ATM: variants seen among roughly 807,000 people sequenced by gnomAD.
ATM encodes the protein ATM serine/threonine kinase.
A neutral mutation model predicts 387.0 loss-of-function variants in ATM; 308 were observed. The observed-to-expected ratio is 0.80, with a 90% CI of 0.73 to 0.87. The LOEUF is 0.87. Among genes scored for constraint, ATM ranks in the 40% least tolerant of loss-of-function variants. The pLI is 0.00. For missense variants in ATM, 3,312 were observed against 3,560.9 expected, an observed-to-expected ratio of 0.93 and a Z score of 1.78; for synonymous variants, 1,156 against 1,187.3, an observed-to-expected ratio of 0.97 and a Z score of 0.54.
intron 56 of ATM, chr11:108,340,069 T>C (rs2087343194): frequency 6.6e-6 from 1 of 152,194 alleles, no homozygotes; most frequent in Non-Finnish European, 1.5e-5. Flanking sequence ...AAAATAAACA[T>C]AATAAACATA....
In ATM at chr11:108,316,596, A is replaced by T. The variant is rs182411086; in HGVS notation, c.6198+483A>T. ...ATTTTTGTGTTTTTTGGGAAACATTAAACGATATTTTGGGATTAAAAAAAT... is the reference window on the plus strand; with the variant it reads ...ATTTTTGTGTTTTTTGGGAAACATTTAACGATATTTTGGGATTAAAAAAAT... On this transcript the variant is annotated intron_variant, in intron 42 of 62. Coordinates refer to ENST00000675843, the MANE Select transcript of ATM (RefSeq NM_000051.4). Among the ~76,000 whole-genome samples, 8 of 152,126 alleles carry T rather than the reference A, an allele frequency of 5.3e-5. No individual in the cohort carries two copies. The East Asian group carries it at 9.7e-4, about 18-fold the overall frequency.
At chr11:108,253,017 A>G in intron 12 of ATM, 105 bp downstream of exon 12, 1 of 1,033,602 alleles carries the variant, frequency 9.7e-7, no homozygotes, top group Non-Finnish European at 1.4e-6. Flanking sequence ...TGTAAACTAA[A>G]TTGGTCCAAA....
chr11:108,233,494 A>G (rs2079120950), intron 4 of ATM, among the ~76,000 whole-genome samples: 1 of 144,302 alleles, frequency 6.9e-6, no homozygotes, highest in Non-Finnish European at 1.5e-5. Context: ...GCTTGAGCCC[A>G]GGGGGCAGTG....
rs772705678 is a variant in ATM at position 108,321,511 on chromosome 11, G to T, written c.6572+91G>T. 35 of 1,570,150 alleles carry T rather than the reference G, an allele frequency of 2.2e-5. No homozygotes were observed. In the Middle Eastern group the frequency reaches 1.7e-3, roughly 77 times the overall value. On this transcript the variant is annotated intron_variant, in intron 45 of 62. Coordinates refer to ENST00000675843, the MANE Select transcript of ATM (RefSeq NM_000051.4). ...AAAATAAAAACTATAGGCCGGGCACGGTGGCTCATGCCTGTAATCCTAGCA... is the reference window on the plus strand; with the variant it reads ...AAAATAAAAACTATAGGCCGGGCACTGTGGCTCATGCCTGTAATCCTAGCA...
chr11:108,354,757 G>A (rs2137339360), intron 60 of ATM, 54 bp from the exon 61 acceptor site: 1 of 1,443,720 alleles, frequency 6.9e-7, no homozygotes, highest in South Asian at 1.1e-5. Context: ...ATAAAGATAC[G>A]TTGACAACAT....
rs2082303743 is a variant in ATM, at chr11:108,282,820, C to T, written c.3687C>T (p.Tyr1229=). ...LEWLNLQDTE[Y]NLSSFPFILL... is the part of the protein sequence containing the mutation. ...GGCTAAATCTTCAAGATACTGAATA[C>T]AACTTATCTTCTTTTCCTTTTATTT... The change falls in exon 25 of 63, where the codon TAC becomes TAT. Residue 1229 remains tyrosine, a synonymous_variant. Coordinates refer to ENST00000675843, the MANE Select transcript of ATM (RefSeq NM_000051.4). The T allele has an allele frequency of 6.4e-7, 1 of 1,550,968 alleles. No individual in the cohort carries two copies. The highest frequency in any genetic ancestry group is 8.9e-7 in the Non-Finnish European group (1 of 1,123,956).
intron 5 of ATM, among the ~76,000 whole-genome samples, chr11:108,237,809 G>T (rs2135150271): frequency 6.6e-6 from 1 of 150,738 alleles, no homozygotes; most frequent in African/African-American, 2.4e-5. Context: ...TAATTGCATT[G>T]AATCTGTTGC....
chr11:108,315,097 G>C (rs1438406377), intron 40 of ATM, among the ~76,000 whole-genome samples: 3 of 152,164 alleles, frequency 2.0e-5, no homozygotes, highest in Non-Finnish European at 4.4e-5. Flanking sequence ...AAAAATACAT[G>C]AGAACCTGGA....
intron 61 of ATM, among the ~76,000 whole-genome samples, chr11:108,357,837 G>C (rs1400847481): frequency 6.6e-6 from 1 of 151,618 alleles, no homozygotes; most frequent in Non-Finnish European, 1.5e-5. Flanking sequence ...AAACCACAAA[G>C]ATGGGGAAAA....
chr11:108,238,430 G>A (rs2079406031), intron 5 of ATM, among the ~76,000 whole-genome samples: 1 of 152,058 alleles, frequency 6.6e-6, no homozygotes, highest in African/African-American at 2.4e-5. Flanking sequence ...GGGATTATAG[G>A]CATGAGCCAA....
At chr11:108,271,474 A>G (rs1351613029) in intron 20 of ATM, 68 bp downstream of exon 20, 13 of 1,557,404 alleles carry the variant, frequency 8.3e-6, no homozygotes, top group Non-Finnish European at 1.2e-5. Context: ...CAAGTTTTGT[A>G]TCCACATCAG....
At chr11:108,245,297 C>T (rs1469463749) in intron 7 of ATM, among the ~76,000 whole-genome samples, 1 of 152,150 alleles carries the variant, frequency 6.6e-6, no homozygotes. Context: ...CTAGGAGCTA[C>T]TTATGCATCA....
In ATM at chr11:108,339,202, T is replaced by C. The variant is rs181174670; in HGVS notation, c.8268+3241T>C. Among the ~76,000 whole-genome samples the C allele has an allele frequency of 4.4e-4, 67 of 152,304 alleles. 1 individual carries two copies. Among genetic ancestry groups the C allele is most frequent in the African/African-American group, 1.5e-3 (64 of 41,562 alleles). ...CATTTTTCTCCACCAAAACTATGCA[T>C]TGTTACAAAGTATACTGAACAAGTC... On this transcript the variant is annotated intron_variant, in intron 56 of 62. Transcript: ENST00000675843.
At chr11:108,272,963 G>C in intron 22 of ATM, 111 bp downstream of exon 22, 2 of 1,333,524 alleles carry the variant, frequency 1.5e-6, no homozygotes, top group South Asian at 2.4e-5. Flanking sequence ...CACTTGTTGA[G>C]TATATACGGT....
At chr11:108,256,430 A>G in intron 14 of ATM, 90 bp downstream of exon 14, 1 of 1,382,342 alleles carries the variant, frequency 7.2e-7, no homozygotes, top group Non-Finnish European at 1.0e-6. Context: ...AAGACATTAA[A>G]TTTTATGCAG....
In ATM at chr11:108,310,327, T is replaced by C. The variant is rs2084042843; in HGVS notation, c.5918+12T>C. On this transcript the variant is annotated intron_variant, in intron 39 of 62. Coordinates refer to ENST00000675843, the MANE Select transcript of ATM (RefSeq NM_000051.4). ...GATCAAGAGAAAAGGTAATGGAATT[T>C]AGAATTTTTGGTTTTTAAAATTAAT... The C allele has an allele frequency of 1.2e-6, 2 of 1,611,298 alleles. No individual in the cohort carries two copies. Among genetic ancestry groups the C allele is most frequent in the African/African-American group, 1.3e-5 (1 of 74,990 alleles).
chr11:108,350,003 A>T (rs564624203), intron 59 of ATM, among the ~76,000 whole-genome samples: 1 of 152,162 alleles, frequency 6.6e-6, no homozygotes, highest in African/African-American at 2.4e-5. Context: ...TTGCTGAGAA[A>T]TAGAAAGCAT....
chr11:108,224,677 G>C (rs3092855), intron 1 of ATM: 32 of 152,246 alleles, frequency 2.1e-4, no homozygotes, highest in African/African-American at 7.7e-4. Flanking sequence ...AGTTAGTTCA[G>C]ATCTTGGCTT....
rs1282099124 is a variant in ATM at position 108,326,163 on chromosome 11, C to G, written c.6913C>G (p.Gln2305Glu). The G allele has an allele frequency of 6.2e-7, 1 of 1,614,120 alleles. No homozygotes were observed. The highest frequency in any genetic ancestry group is 8.5e-7 in the Non-Finnish European group (1 of 1,180,016). Reference protein sequence around the residue: ...EAQVFWAKKEQSLALSILKQM... With the variant: ...EAQVFWAKKEESLALSILKQM... ...ACAAGTATTCTGGGCAAAAAAGGAGCAGAGTCTTGCCCTGAGTATTCTCAA... is the reference window on the plus strand; with the variant it reads ...ACAAGTATTCTGGGCAAAAAAGGAGGAGAGTCTTGCCCTGAGTATTCTCAA... The change falls in exon 47 of 63, where the codon CAG becomes GAG. Residue 2305 changes from glutamine (Q) to glutamate (E), a missense_variant. Around this residue, in one of 4 missense-constraint regions of ATM, gnomAD observed 1,405 missense variants for 1,604.4 expected, o/e 0.88. Coordinates refer to ENST00000675843, the MANE Select transcript of ATM (RefSeq NM_000051.4).
Sources: gnomAD v4.1 joint callset for allele counts (sites outside exome capture counted in the v4.1 genomes callset) on GRCh38, gnomAD v4.1.1 for gene constraint, gnomAD v4.1.1 regional missense constraint, MANE v1.5 for transcripts, NCBI Gene and HGNC (gene_info 2026-07-23, HGNC 2026-07-21) for gene names.